The following TAS2R1 variants were observed in gnomAD, a reference collection of about 807,000 sequenced individuals.
TAS2R1 encodes the protein taste receptor type 2 member 1.
For synonymous variants in TAS2R1, 141 were observed against 134.2 expected (o/e 1.05, Z -0.35); for missense variants, 370 against 353.4 (o/e 1.05, Z -0.38).
At chr5:9,885,269 G>T in the TAS2R1 span, among the ~76,000 whole-genome samples, 1 of 152,136 alleles carries the variant, frequency 6.6e-6, no homozygotes, top group Non-Finnish European at 1.5e-5. Flanking sequence ...ATGAAGTTAT[G>T]ATTTCTTTAT....
chr5:9,738,580 T>C, the TAS2R1 span, among the ~76,000 whole-genome samples: 1 of 152,216 alleles, frequency 6.6e-6, no homozygotes, highest in Non-Finnish European at 1.5e-5. Context: ...TTACATTATT[T>C]AAATTAAACA....
At chr5:9,747,451 G>C in the TAS2R1 span, among the ~76,000 whole-genome samples, 10 of 152,274 alleles carry the variant, frequency 6.6e-5, no homozygotes, top group East Asian at 1.9e-3. Context: ...GGCAGAATGG[G>C]AGGGGGAACT....
chr5:9,847,012 C>A, the TAS2R1 span, among the ~76,000 whole-genome samples: 1 of 152,194 alleles, frequency 6.6e-6, no homozygotes, highest in Non-Finnish European at 1.5e-5. Flanking sequence ...GATCTCATTA[C>A]GAACTGTGAA....
At chr5:9,678,778 T>C (rs187959347) in intron 1 of TAS2R1, among the ~76,000 whole-genome samples, 8 of 151,750 alleles carry the variant, frequency 5.3e-5, no homozygotes, top group African/African-American at 1.9e-4. Flanking sequence ...CTGGAGCCTG[T>C]TGGGGGGTTT....
chr5:9,859,762 C>A, the TAS2R1 span, among the ~76,000 whole-genome samples: 1 of 152,166 alleles, frequency 6.6e-6, no homozygotes, highest in South Asian at 2.1e-4. Context: ...GCTTCAACAA[C>A]AGGATCCTCA....
At chr5:9,840,853 ATTTATTTT>A in the TAS2R1 span, among the ~76,000 whole-genome samples, 6 of 19,612 alleles carry the variant, frequency 3.1e-4, no homozygotes, top group Admixed American at 1.0e-3. Flanking sequence ...TTATTTATTT[ATTTATTTT>A]TTTTTTTTTT....
chr5:9,863,349 C>T, the TAS2R1 span, among the ~76,000 whole-genome samples: 2 of 149,726 alleles, frequency 1.3e-5, no homozygotes, highest in African/African-American at 5.0e-5. Flanking sequence ...CGGCTCACTG[C>T]AAAGCTCTGC....
chr5:9,703,664 C>T (rs1579792115), intron 1 of TAS2R1, among the ~76,000 whole-genome samples: 1 of 152,100 alleles, frequency 6.6e-6, no homozygotes, highest in Non-Finnish European at 1.5e-5. Flanking sequence ...AACCATGTGA[C>T]CTTCCTCAGA....
the TAS2R1 span, among the ~76,000 whole-genome samples, chr5:9,773,608 G>A: frequency 2.2e-4 from 34 of 152,214 alleles, no homozygotes; most frequent in Non-Finnish European, 4.0e-4. Context: ...GACAGGTCTG[G>A]TGTTGATGAA....
chr5:9,662,892 C>T (rs1247453118), intron 1 of TAS2R1, among the ~76,000 whole-genome samples: 1 of 152,128 alleles, frequency 6.6e-6, no homozygotes, highest in Admixed American at 6.6e-5. Flanking sequence ...TTTGATCAGA[C>T]ATGGAGGGAT....
At chr5:9,776,658 C>G in the TAS2R1 span, among the ~76,000 whole-genome samples, 1 of 152,160 alleles carries the variant, frequency 6.6e-6, no homozygotes, top group Non-Finnish European at 1.5e-5. Flanking sequence ...TCCTAGATGA[C>G]TATTTCACCT....
At chr5:9,833,054 G>C in the TAS2R1 span, among the ~76,000 whole-genome samples, 1 of 152,220 alleles carries the variant, frequency 6.6e-6, no homozygotes, top group South Asian at 2.1e-4. Flanking sequence ...AGAGACAAAA[G>C]ATTGCATTCT....
At chr5:9,770,984 G>A in the TAS2R1 span, among the ~76,000 whole-genome samples, 1 of 152,166 alleles carries the variant, frequency 6.6e-6, no homozygotes, top group Non-Finnish European at 1.5e-5. Flanking sequence ...GATCAGAAAG[G>A]AAAGGCCTCC....
intron 1 of TAS2R1, among the ~76,000 whole-genome samples, chr5:9,682,656 A>G (rs1016056740): frequency 1.3e-5 from 2 of 152,204 alleles, no homozygotes; most frequent in African/African-American, 4.8e-5. Context: ...AACATTTCAC[A>G]GGGCAGATCA....
chr5:9,775,537 G>A, the TAS2R1 span, among the ~76,000 whole-genome samples: 1 of 152,160 alleles, frequency 6.6e-6, no homozygotes, highest in Non-Finnish European at 1.5e-5. Flanking sequence ...AATGTGCTGA[G>A]TCATATCTGA....
At chr5:9,898,203 C>A in the TAS2R1 span, among the ~76,000 whole-genome samples, 2 of 152,164 alleles carry the variant, frequency 1.3e-5, no homozygotes, top group Non-Finnish European at 2.9e-5. Context: ...AAATATACAT[C>A]CTTAAGTGTG....
the TAS2R1 span, chr5:9,883,966 G>C: frequency 6.6e-6 from 1 of 152,186 alleles, no homozygotes; most frequent in Non-Finnish European, 1.5e-5. Flanking sequence ...ACCTGCATCT[G>C]TTCAGCCATC....
At chr5:9,897,570 G>A in the TAS2R1 span, among the ~76,000 whole-genome samples, 44 of 152,332 alleles carry the variant, frequency 2.9e-4, no homozygotes, top group East Asian at 7.9e-3. Flanking sequence ...CCAGAACTTA[G>A]GCACTGGCTG....
At chr5:9,799,013 C>A in the TAS2R1 span, among the ~76,000 whole-genome samples, 4 of 152,160 alleles carry the variant, frequency 2.6e-5, no homozygotes, top group East Asian at 7.7e-4. Flanking sequence ...GGCTATAGTG[C>A]CACTTCACCT....
Sources: allele counts gnomAD v4.1 joint callset (sites outside exome capture counted in the v4.1 genomes callset), GRCh38; gene constraint gnomAD v4.1.1; transcripts MANE v1.5; gene names NCBI Gene and HGNC (gene_info 2026-07-23, HGNC 2026-07-21).